Variants in MAD1L1 observed in about 807,000 individuals in gnomAD.
MAD1L1 encodes the protein mitotic arrest deficient 1 like 1.
In MAD1L1, 95 loss-of-function variants were observed where a neutral mutation model predicts 96.9. The observed-to-expected ratio is 0.98, with a 90% CI of 0.83 to 1.16. MAD1L1 has a LOEUF of 1.16. MAD1L1 is among the 50% of genes most tolerant of loss of function. The pLI is 0.00. For missense variants in MAD1L1, 1,007 were observed against 954.4 expected (o/e 1.06, Z -0.73); for synonymous variants, 473 against 396.6 (o/e 1.19, Z -2.29).
intron 18 of MAD1L1, among the ~76,000 whole-genome samples, chr7:1,856,788 C>T (rs770442929): frequency 2.0e-5 from 3 of 152,192 alleles, no homozygotes; most frequent in Non-Finnish European, 2.9e-5. Flanking sequence ...CGTAACCCAA[C>T]CCTGGAACGT....
intron 10 of MAD1L1, among the ~76,000 whole-genome samples, chr7:2,204,112 C>T (rs1167423335): frequency 6.6e-6 from 1 of 152,254 alleles, no homozygotes; most frequent in African/African-American, 2.4e-5. Flanking sequence ...GCTGCCACTC[C>T]TCACAGCACT....
At chr7:2,192,485 T>TGCAC (rs1791776993) in intron 10 of MAD1L1, among the ~76,000 whole-genome samples, 2 of 152,164 alleles carry the variant, frequency 1.3e-5, no homozygotes, top group African/African-American at 4.8e-5. Flanking sequence ...TGATCGTGCA[T>TGCAC]GCTCCTCTTC....
intron 11 of MAD1L1, among the ~76,000 whole-genome samples, chr7:2,130,709 G>A (rs375559967): frequency 3.3e-5 from 5 of 152,326 alleles, no homozygotes; most frequent in South Asian, 2.1e-4. Flanking sequence ...CTCTTGTTCC[G>A]TAAATAACTA....
intron 16 of MAD1L1, among the ~76,000 whole-genome samples, chr7:1,945,035 T>G (rs760170357): frequency 3.6e-4 from 54 of 152,042 alleles, no homozygotes; most frequent in Admixed American, 7.9e-4. Context: ...CGTCGGCCAC[T>G]GGGAGAGACA....
chr7:2,109,425 C>T (rs1787266039), intron 11 of MAD1L1: 1 of 152,248 alleles, frequency 6.6e-6, no homozygotes, highest in Admixed American at 6.5e-5. Context: ...CAGGAGGACA[C>T]TCAAGAGTGG....
At chr7:1,849,592 A>G (rs1487104967) in intron 18 of MAD1L1, 1 of 152,218 alleles carries the variant, frequency 6.6e-6, no homozygotes, top group East Asian at 1.9e-4. Flanking sequence ...ACAGGCCCCA[A>G]GAAGTCGTGC....
At chr7:1,932,816 G>A (rs1419307301) in intron 17 of MAD1L1, among the ~76,000 whole-genome samples, 1 of 152,200 alleles carries the variant, frequency 6.6e-6, no homozygotes, top group Admixed American at 6.5e-5. Flanking sequence ...CTCCTTCCAT[G>A]TTCCTGTTGT....
At chr7:1,852,399 C>T (rs1400712468) in intron 18 of MAD1L1, among the ~76,000 whole-genome samples, 1 of 152,164 alleles carries the variant, frequency 6.6e-6, no homozygotes. Context: ...GGAGCTACCA[C>T]TGCCCCTCCA....
At chr7:1,822,442 A>ATATATATAT (rs768089526) in intron 18 of MAD1L1, among the ~76,000 whole-genome samples, 2,452 of 140,544 alleles carry the variant, frequency 0.017, 44 homozygotes, top group East Asian at 0.057. Flanking sequence ...ATATATATAT[A>ATATATATAT]TTTTTTTTTT....
chr7:2,004,085 T>C (rs562047949), intron 13 of MAD1L1, among the ~76,000 whole-genome samples: 1 of 152,128 alleles, frequency 6.6e-6, no homozygotes, highest in East Asian at 1.9e-4. Context: ...CCTCAGCACA[T>C]GGGAGGCAGC....
At chr7:1,986,315 GCAGCTTGGAACCACACGCCAGTC>G (rs66798208) in intron 14 of MAD1L1, among the ~76,000 whole-genome samples, 84,248 of 149,626 alleles carry the variant, frequency 0.56, 24,325 homozygotes, top group Middle Eastern at 0.67. Context: ...AACCTCTGCT[GCAGCTTGGAACCACACGCCAGTC>G]CAGCTTGGAA....
chr7:2,036,799 G>A (rs10214987), intron 12 of MAD1L1, among the ~76,000 whole-genome samples: 6,615 of 152,162 alleles, frequency 0.043, 227 homozygotes, highest in African/African-American at 0.089. Context: ...AGCAGGTGTC[G>A]GAAATGACAC....
At chr7:2,153,138 T>C (rs549766767) in intron 10 of MAD1L1, among the ~76,000 whole-genome samples, 2 of 152,282 alleles carry the variant, frequency 1.3e-5, no homozygotes, top group African/African-American at 4.8e-5. Flanking sequence ...AAAGATTTTA[T>C]AGCTAAGACC....
chr7:1,863,010 C>T (rs1342541443), intron 18 of MAD1L1, among the ~76,000 whole-genome samples: 2 of 152,242 alleles, frequency 1.3e-5, no homozygotes, highest in Middle Eastern at 3.2e-3. Flanking sequence ...GAGCCTCCTC[C>T]TCACTGCCTG....
intron 18 of MAD1L1, among the ~76,000 whole-genome samples, chr7:1,889,877 G>A (rs1401525537): frequency 6.6e-6 from 1 of 152,200 alleles, no homozygotes; most frequent in Non-Finnish European, 1.5e-5. Context: ...AGACTCCAAA[G>A]CTCAGAGCTG....
chr7:1,950,925 T>C (rs746899090), intron 16 of MAD1L1, among the ~76,000 whole-genome samples: 26 of 152,358 alleles, frequency 1.7e-4, no homozygotes, highest in Non-Finnish European at 3.7e-4. Context: ...ACCACGGCAG[T>C]GTGGTCAGTG....
At chr7:1,921,850 G>T (rs766722721) in intron 17 of MAD1L1, among the ~76,000 whole-genome samples, 2 of 152,098 alleles carry the variant, frequency 1.3e-5, no homozygotes, top group Admixed American at 1.3e-4. Flanking sequence ...TTTAGATCTC[G>T]ACCTCATACC....
At chr7:2,139,061 G>A (rs570586528) in intron 11 of MAD1L1, among the ~76,000 whole-genome samples, 23 of 152,210 alleles carry the variant, frequency 1.5e-4, no homozygotes, top group South Asian at 4.1e-4. Flanking sequence ...CAGACGCCCC[G>A]GTACCGAGGC....
Position 2,225,334 on chromosome 7 carries a change from A to G in MAD1L1, c.291+76T>C, listed in dbSNP as rs550430866. 92 of 1,500,628 alleles carry G rather than the reference A, an allele frequency of 6.1e-5. No homozygotes were observed. The Admixed American group carries it at 8.0e-4, about 13-fold the overall frequency. The allele number at this position is 1,500,628 out of a possible 1,614,324, so 93.0% of individuals were successfully genotyped here. A position where few individuals can be genotyped will look rare whatever the true frequency, so the allele number is the denominator to read the frequency against. ...CAGGGACTAGGATGTGATTTCTTATAACCTGGCAGGTACCGTGCACAGCCC... is the reference window on the plus strand; with the variant it reads ...CAGGGACTAGGATGTGATTTCTTATGACCTGGCAGGTACCGTGCACAGCCC... On this transcript the variant is annotated intron_variant, in intron 4 of 18. Transcript: ENST00000265854.
Sources: gnomAD v4.1 joint callset for allele counts (sites outside exome capture counted in the v4.1 genomes callset) on GRCh38, gnomAD v4.1.1 for gene constraint, MANE v1.5 for transcripts, NCBI Gene and HGNC (gene_info 2026-07-23, HGNC 2026-07-21) for gene names.